Variants in PPP6C observed in about 807,000 individuals in gnomAD.
PPP6C encodes protein phosphatase 6 catalytic subunit.
PPP6C carries 11 observed loss-of-function variants against 39.8 expected under a neutral mutation model. The observed-to-expected ratio is 0.28, with a 90% CI of 0.17 to 0.46. The LOEUF (loss-of-function observed/expected upper bound fraction) is 0.46. Ranked by LOEUF, PPP6C falls within the 20% of genes least tolerant of loss-of-function variation. The pLI is 1.00. For missense variants in PPP6C, 211 were observed against 373.9 expected (o/e 0.56, Z 3.59); for synonymous variants, 129 against 130.3 (o/e 0.99, Z 0.07).
At chr9:125,186,859 T>C (rs908576535) in intron 1 of PPP6C, among the ~76,000 whole-genome samples, 38 of 151,374 alleles carry the variant, frequency 2.5e-4, no homozygotes, top group African/African-American at 8.5e-4. Flanking sequence ...GGTCTAAAAA[T>C]TGTACTTCCT....
At chr9:125,156,703 T>C (rs1286497871) in intron 4 of PPP6C, among the ~76,000 whole-genome samples, 1 of 152,150 alleles carries the variant, frequency 6.6e-6, no homozygotes, top group African/African-American at 2.4e-5. Context: ...ATTCATAATC[T>C]TGACAGTTCT....
intron 2 of PPP6C, among the ~76,000 whole-genome samples, chr9:125,163,581 C>T: frequency 6.6e-6 from 1 of 151,972 alleles, no homozygotes; most frequent in East Asian, 1.9e-4. Flanking sequence ...CAGGCGCGTG[C>T]CAACAGCCCC....
rs1434390598 is a variant in PPP6C at position 125,188,899 on chromosome 9, A to G, written c.75+745T>C. 3.2e-6 allele frequency: 5 copies of G among 1,544,280 alleles called. No individual in the cohort carries two copies. In the South Asian group the frequency reaches 6.0e-5, roughly 18 times the overall value. ...CATACATTTACTCTTACTTGGACTCAGGAGTAACAAGGAACTCACCTCCTT... is the reference window on the plus strand; with the variant it reads ...CATACATTTACTCTTACTTGGACTCGGGAGTAACAAGGAACTCACCTCCTT... On this transcript the variant is annotated intron_variant, in intron 1 of 6. Coordinates refer to ENST00000373547, the MANE Select transcript of PPP6C (RefSeq NM_002721.5).
chr9:125,151,021 A>G, intron 6 of PPP6C: 2 of 1,372,178 alleles, frequency 1.5e-6, no homozygotes, highest in Admixed American at 1.7e-5. Context: ...TATTATCACC[A>G]TGGACCTACA....
intron 1 of PPP6C, among the ~76,000 whole-genome samples, chr9:125,178,629 A>T (rs892271542): frequency 6.6e-6 from 1 of 151,932 alleles, no homozygotes; most frequent in Non-Finnish European, 1.5e-5. Context: ...TTATTCTGGG[A>T]CTCCAAGTAA....
chr9:125,182,700 G>C (rs1042901352), intron 1 of PPP6C, among the ~76,000 whole-genome samples: 3 of 149,580 alleles, frequency 2.0e-5, no homozygotes, highest in African/African-American at 7.4e-5. Flanking sequence ...CATTGCAGGG[G>C]ACTGCTTGCT....
At chr9:125,167,988 G>A (rs1218650854) in intron 2 of PPP6C, among the ~76,000 whole-genome samples, 1 of 152,150 alleles carries the variant, frequency 6.6e-6, no homozygotes, top group Admixed American at 6.5e-5. Context: ...CTAAAGGATT[G>A]AGAGTTAAGT....
rs1447326394 is a variant in PPP6C, at chr9:125,175,288, C to G, written c.76-4108G>C. ...TGAACTTTGAGCCTTAAACTTTATA[C>G]TGAAAGATGTTCTCGAAGGTTCCAT... On this transcript the variant is annotated intron_variant, in intron 1 of 6. Transcript: ENST00000373547. 3.3e-5 allele frequency among the ~76,000 whole-genome samples: 5 copies of G among 152,040 alleles called. No individual in the cohort carries two copies. In the South Asian group the frequency reaches 1.0e-3, roughly 32 times the overall value.
chr9:125,162,457 C>CA (rs977223135), intron 2 of PPP6C, among the ~76,000 whole-genome samples: 1,148 of 70,878 alleles, frequency 0.016, 29 homozygotes, highest in East Asian at 0.021. Flanking sequence ...GATTCTGTCT[C>CA]AAAAAAAAAA....
At chr9:125,165,842 G>C (rs935179392) in intron 2 of PPP6C, among the ~76,000 whole-genome samples, 1 of 133,972 alleles carries the variant, frequency 7.5e-6, no homozygotes, top group Non-Finnish European at 1.5e-5. Flanking sequence ...TGTTGTCCAG[G>C]CTGGAGTACA....
chr9:125,154,297 T>C (rs1181001073), intron 4 of PPP6C, among the ~76,000 whole-genome samples: 1 of 152,218 alleles, frequency 6.6e-6, no homozygotes, highest in East Asian at 1.9e-4. Context: ...ACTACACACC[T>C]AGGCAATATG....
At chr9:125,178,244 C>T (rs747972384) in intron 1 of PPP6C, among the ~76,000 whole-genome samples, 2 of 152,154 alleles carry the variant, frequency 1.3e-5, no homozygotes, top group Non-Finnish European at 2.9e-5. Context: ...TCCAAAGTGG[C>T]TGTACCATTT....
chr9:125,173,440 G>A (rs779762835), intron 1 of PPP6C, among the ~76,000 whole-genome samples: 81 of 149,130 alleles, frequency 5.4e-4, no homozygotes, highest in African/African-American at 1.1e-3. Context: ...GTAGCCAGGC[G>A]TGGGGTGCAC....
At chr9:125,163,645 G>T (rs986055076) in intron 2 of PPP6C, among the ~76,000 whole-genome samples, 1 of 152,038 alleles carries the variant, frequency 6.6e-6, no homozygotes, top group Admixed American at 6.6e-5. Flanking sequence ...TGGTCAGGCT[G>T]GTCCTGAACT....
chr9:125,183,639 C>T (rs1206974343), intron 1 of PPP6C, among the ~76,000 whole-genome samples: 1 of 152,204 alleles, frequency 6.6e-6, no homozygotes, highest in African/African-American at 2.4e-5. Context: ...TACCAAACCA[C>T]TTCAAGTTCC....
intron 1 of PPP6C, among the ~76,000 whole-genome samples, chr9:125,183,319 CCTT>C (rs958626762): frequency 3.1e-4 from 47 of 152,270 alleles, no homozygotes; most frequent in African/African-American, 1.1e-3. Context: ...CTGTCATTCT[CCTT>C]CTTAAAAACT....
chr9:125,173,742 C>T (rs1287283707), intron 1 of PPP6C, among the ~76,000 whole-genome samples: 1 of 151,938 alleles, frequency 6.6e-6, no homozygotes, highest in African/African-American at 2.4e-5. Context: ...CTCAGCCTCC[C>T]GAGTAGCTGG....
At chr9:125,157,377 C>A (rs752990229) in intron 4 of PPP6C, among the ~76,000 whole-genome samples, 1 of 152,126 alleles carries the variant, frequency 6.6e-6, no homozygotes, top group African/African-American at 2.4e-5. Context: ...GGATGTATAA[C>A]AGCAGCTTAA....
At chr9:125,156,281 G>A (rs1055477348) in intron 4 of PPP6C, among the ~76,000 whole-genome samples, 6 of 152,108 alleles carry the variant, frequency 3.9e-5, no homozygotes, top group African/African-American at 1.4e-4. Context: ...GATTATCTTT[G>A]CTTTGTTTCG....
Sources: allele counts gnomAD v4.1 joint callset (sites outside exome capture counted in the v4.1 genomes callset), GRCh38; gene constraint gnomAD v4.1.1; transcripts MANE v1.5; gene names NCBI Gene and HGNC (gene_info 2026-07-23, HGNC 2026-07-21).